Variants in KIAA0319 observed in about 807,000 individuals in gnomAD.
KIAA0319 encodes dyslexia-associated protein KIAA0319.
KIAA0319 carries 83 observed loss-of-function variants against 108.4 expected under a neutral mutation model. That is an observed-to-expected ratio of 0.77 (90% CI 0.64 to 0.92). The LOEUF (loss-of-function observed/expected upper bound fraction) is 0.92, where lower values mean the gene tolerates loss of function less well. KIAA0319 is among the 40% of genes least tolerant of loss of function. The probability of loss-of-function intolerance (pLI) is 0.00; values close to 1 mark genes in which losing one functional copy is unlikely to be tolerated. For synonymous variants in KIAA0319, 484 were observed against 510.4 expected (o/e 0.95, Z 0.70); for missense variants, 1,195 against 1,322.4 (o/e 0.90, Z 1.49).
intron 11 of KIAA0319, among the ~76,000 whole-genome samples, chr6:24,570,964 G>A (rs1764641717): frequency 6.6e-6 from 1 of 151,888 alleles, no homozygotes; most frequent in Non-Finnish European, 1.5e-5. Flanking sequence ...GCCGAGGCAG[G>A]GGATCACTTG....
intron 1 of KIAA0319, among the ~76,000 whole-genome samples, chr6:24,621,590 C>G (rs1191630160): frequency 6.6e-6 from 1 of 152,124 alleles, no homozygotes; most frequent in Non-Finnish European, 1.5e-5. Context: ...ATATCCAGCT[C>G]TCCTCTTTCC....
chr6:24,591,354 T>A (rs1768432730), intron 3 of KIAA0319, among the ~76,000 whole-genome samples: 1 of 152,134 alleles, frequency 6.6e-6, no homozygotes, highest in Admixed American at 6.6e-5. Flanking sequence ...ACACCTGTAA[T>A]CCCAGCATTT....
intron 4 of KIAA0319, 139 bp from the exon 5 acceptor site, chr6:24,583,841 A>G: frequency 1.6e-6 from 1 of 626,822 alleles, no homozygotes; most frequent in Non-Finnish European, 2.8e-6. Context: ...GATTTTAGCT[A>G]AGGCACGTTT....
At chr6:24,541,906 G>C (rs908601681), downstream of KIAA0319, among the ~76,000 whole-genome samples, 1 of 152,232 alleles carries the variant, frequency 6.6e-6, no homozygotes, top group African/African-American at 2.4e-5. Context: ...TTGGGAGGCT[G>C]AGGCGGGCGG....
chr6:24,613,082 T>G (rs1464922594), intron 1 of KIAA0319, among the ~76,000 whole-genome samples: 1 of 152,130 alleles, frequency 6.6e-6, no homozygotes, highest in African/African-American at 2.4e-5. Flanking sequence ...ACAAATCGCC[T>G]TTTGTATTTT....
chr6:24,565,234 CAG>C (rs1332429366), intron 14 of KIAA0319, among the ~76,000 whole-genome samples: 2 of 150,694 alleles, frequency 1.3e-5, no homozygotes, highest in Non-Finnish European at 2.9e-5. Flanking sequence ...GTCTAGGTGA[CAG>C]AGCGAGACTC....
chr6:24,574,746 T>C (rs939888031), intron 10 of KIAA0319, among the ~76,000 whole-genome samples: 3 of 152,230 alleles, frequency 2.0e-5, no homozygotes, highest in Non-Finnish European at 4.4e-5. Flanking sequence ...ACAAGATCCA[T>C]TGTGCTACCA....
At chr6:24,621,596 T>C (rs1487552378) in intron 1 of KIAA0319, among the ~76,000 whole-genome samples, 1 of 152,224 alleles carries the variant, frequency 6.6e-6, no homozygotes, top group African/African-American at 2.4e-5. Flanking sequence ...AGCTCTCCTC[T>C]TTCCTGTGCA....
At chr6:24,581,784 T>C (rs1338467338) in intron 6 of KIAA0319, among the ~76,000 whole-genome samples, 1 of 152,204 alleles carries the variant, frequency 6.6e-6, no homozygotes, top group Non-Finnish European at 1.5e-5. Context: ...CTCTTAACCA[T>C]CTGCCTGCCT....
chr6:24,596,904 C>T (rs897466873), intron 2 of KIAA0319, among the ~76,000 whole-genome samples: 1 of 152,024 alleles, frequency 6.6e-6, no homozygotes, highest in African/African-American at 2.4e-5. Context: ...TCCATCTATC[C>T]ATCCTTTCAC....
At chr6:24,554,667 A>G in intron 18 of KIAA0319, 36 bp from the exon 19 acceptor site, 1 of 1,417,022 alleles carries the variant, frequency 7.1e-7, no homozygotes, top group Non-Finnish European at 9.9e-7. Flanking sequence ...ACATAGTTAC[A>G]GGCTATTTGT....
rs139033108 is a variant in KIAA0319, at chr6:24,632,172, C to A, written c.-106+13564G>T. Among the ~76,000 whole-genome samples the A allele has an allele frequency of 1.1e-4, 17 of 152,304 alleles. No homozygotes were observed. The East Asian group carries it at 3.1e-3, about 28-fold the overall frequency. On this transcript the variant is annotated intron_variant, in intron 1 of 20. Transcript: ENST00000378214. ...GAATATTGTCAATTAACAATCCATCCTATTAATAATCAGGAAATAAGTGGT... is the reference window on the plus strand; with the variant it reads ...GAATATTGTCAATTAACAATCCATCATATTAATAATCAGGAAATAAGTGGT...
Position 24,583,665 on chromosome 6 carries a change from A to T in KIAA0319, c.1032T>A (p.Ile344=), listed in dbSNP as rs377363008. 6.8e-6 allele frequency: 11 copies of T among 1,613,682 alleles called. No individual in the cohort carries two copies. The African/African-American group carries it at 1.2e-4, about 18-fold the overall frequency. ...CAACTTCATTGTCGGGTAAAGTTAT[A>T]ATTAGGTTATCTCCAGCCGATACCG... ...ELTVSAGDNL[I]ITLPDNEVEL... is the part of the protein sequence containing the mutation. Residue 344 remains isoleucine (I), a synonymous_variant, in exon 5 of 21, where the codon ATT becomes ATA. Coordinates refer to ENST00000378214, the MANE Select transcript of KIAA0319 (RefSeq NM_014809.4).
chr6:24,587,955 T>C (rs1767798844), intron 4 of KIAA0319, among the ~76,000 whole-genome samples: 1 of 152,232 alleles, frequency 6.6e-6, no homozygotes, highest in African/African-American at 2.4e-5. Context: ...GGATTCTCTA[T>C]ACCCATCCAG....
At position 24,596,378 on chromosome 6, in the gene KIAA0319, T is replaced by G; in HGVS notation, c.296A>C (p.Tyr99Ser). ...AACAGGCCGGAGCACAAAAGTGAGA[T>G]AAGACCTGATGGGGCCCATCTTCTT... ...EPKKMGPIRS[Y>S]LTFVLRPVQR... The change falls in exon 3 of 21, where the codon TAT (tyrosine) becomes TCT (serine). Residue 99 changes from tyrosine (Y) to serine (S), a missense_variant. Coordinates refer to ENST00000378214, the MANE Select transcript of KIAA0319 (RefSeq NM_014809.4). The G allele has an allele frequency of 6.2e-7, 1 of 1,614,222 alleles. No individual in the cohort carries two copies. Among genetic ancestry groups the G allele is most frequent in the East Asian group, 2.2e-5 (1 of 44,886 alleles).
At chr6:24,621,270 C>T (rs532822197) in intron 1 of KIAA0319, among the ~76,000 whole-genome samples, 3 of 152,270 alleles carry the variant, frequency 2.0e-5, no homozygotes, top group African/African-American at 7.2e-5. Flanking sequence ...GGGAGATGGG[C>T]GAGTATCTTA....
chr6:24,590,318 G>A (rs1468868145), intron 3 of KIAA0319, among the ~76,000 whole-genome samples: 9 of 150,200 alleles, frequency 6.0e-5, no homozygotes, highest in African/African-American at 1.7e-4. Context: ...AAAACAAGAC[G>A]AAATAATGAA....
At position 24,571,703 on chromosome 6, in the gene KIAA0319, G is replaced by A. The variant is rs185943234; in HGVS notation, c.1858+872C>T. Among the ~76,000 whole-genome samples the A allele has an allele frequency of 4.9e-3, 743 of 151,970 alleles. 4 individuals are homozygous for A. The highest frequency in any genetic ancestry group is 0.015 in the African/African-American group (626 of 41,404). ...AATGTACCAGACTCTCTTCTTTGGCGCCCACGCATACTGTTCCCTCTGCCT... is the reference window on the plus strand; with the variant it reads ...AATGTACCAGACTCTCTTCTTTGGCACCCACGCATACTGTTCCCTCTGCCT... On this transcript the variant is annotated intron_variant, in intron 11 of 20. Transcript: ENST00000378214.
intron 1 of KIAA0319, among the ~76,000 whole-genome samples, chr6:24,628,297 A>G (rs549153493): frequency 6.6e-6 from 1 of 151,330 alleles, no homozygotes; most frequent in East Asian, 1.9e-4. Flanking sequence ...TTTCCGTTCA[A>G]TAATTTTTCT....
Sources: allele counts gnomAD v4.1 joint callset (sites outside exome capture counted in the v4.1 genomes callset), GRCh38; gene constraint gnomAD v4.1.1; transcripts MANE v1.5; gene names NCBI Gene and HGNC (gene_info 2026-07-23, HGNC 2026-07-21).